The following SIPA1L3 variants were observed in gnomAD, a reference collection of about 807,000 sequenced individuals.
SIPA1L3 encodes signal induced proliferation associated 1 like 3.
SIPA1L3 carries 59 observed loss-of-function variants against 150.1 expected under a neutral mutation model. The observed-to-expected ratio is 0.39, with a 90% CI of 0.32 to 0.49. The LOEUF is 0.49. Among genes scored for constraint, SIPA1L3 ranks in the 20% least tolerant of loss-of-function variants. The pLI, the probability that SIPA1L3 is intolerant of heterozygous loss-of-function variation, is 0.86. For synonymous variants in SIPA1L3, 1,070 were observed against 1,077.6 expected, an observed-to-expected ratio of 0.99 and a Z score of 0.14; for missense variants, 2,211 against 2,489.5, an observed-to-expected ratio of 0.89 and a Z score of 2.38.
At chr19:38,078,499 GGCACACAGACATGCACACACACACAGAC>G (rs1969902220) in intron 2 of SIPA1L3, among the ~76,000 whole-genome samples, 1 of 118,536 alleles carries the variant, frequency 8.4e-6, no homozygotes, top group East Asian at 2.3e-4. Context: ...CACACACACA[GGCACACAGACATGCACACACACACAGAC>G]GCACACAGAC....
At chr19:37,964,791 C>G (rs1455108908) in intron 1 of SIPA1L3, 2 of 152,158 alleles carry the variant, frequency 1.3e-5, no homozygotes, top group Non-Finnish European at 2.9e-5. Context: ...AGCCACCGCG[C>G]CCGGCCAGCA....
At chr19:38,113,619 C>A (rs1235807127) in intron 8 of SIPA1L3, among the ~76,000 whole-genome samples, 4 of 150,882 alleles carry the variant, frequency 2.7e-5, no homozygotes, top group African/African-American at 7.3e-5. Context: ...AAAAAAAAAC[C>A]AAAAAAAACG....
chr19:37,920,781 C>G (rs113460292), intron 1 of SIPA1L3, among the ~76,000 whole-genome samples: 2 of 152,196 alleles, frequency 1.3e-5, no homozygotes, highest in Non-Finnish European at 2.9e-5. Context: ...TTGATAAAGC[C>G]GTGTCTGGCA....
In SIPA1L3 at chr19:38,138,897, C is replaced by CAAAAAAAAAAAAAAA. The variant is rs3045988; in HGVS notation, c.3144-2283_3144-2269dup. Among the ~76,000 whole-genome samples the CAAAAAAAAAAAAAAA allele has an allele frequency of 9.5e-4, 42 of 44,100 alleles. 2 individuals are homozygous for CAAAAAAAAAAAAAAA. Among genetic ancestry groups the CAAAAAAAAAAAAAAA allele is most frequent in the African/African-American group, 3.3e-3 (31 of 9,278 alleles). The allele number at this position is 44,100 out of a possible 152,430, so 28.9% of individuals were successfully genotyped here. On this transcript the variant is annotated intron_variant, in intron 10 of 21. Transcript: ENST00000222345. ...TGGGTGACAGAACGAGACTCTATCT[C>CAAAAAAAAAAAAAAA]AAAAAAAAAAAAAAAAAACTGAGTG... is the stretch of plus-strand genomic sequence containing the variant.
chr19:38,054,548 G>A (rs779744628), intron 2 of SIPA1L3, among the ~76,000 whole-genome samples: 1 of 152,134 alleles, frequency 6.6e-6, no homozygotes, highest in African/African-American at 2.4e-5. Flanking sequence ...GCAGTGAGCC[G>A]AGATCGCGCC....
intron 1 of SIPA1L3, among the ~76,000 whole-genome samples, chr19:37,968,319 C>T (rs1439364586): frequency 6.6e-6 from 1 of 152,014 alleles, no homozygotes; most frequent in Admixed American, 6.6e-5. Flanking sequence ...GTGATCTGCC[C>T]ACCTCGGCCT....
intron 2 of SIPA1L3, among the ~76,000 whole-genome samples, chr19:38,052,058 G>A (rs984893435): frequency 2.0e-5 from 3 of 152,232 alleles, no homozygotes; most frequent in East Asian, 1.9e-4. Context: ...AACAAATCTC[G>A]AACATTGTAT....
At chr19:38,110,192 A>AC in intron 7 of SIPA1L3, 35 bp from the exon 8 acceptor site, 1 of 1,607,350 alleles carries the variant, frequency 6.2e-7, no homozygotes, top group Non-Finnish European at 8.5e-7. Context: ...CCGACCTGTG[A>AC]CAGGTTCCTG....
At chr19:38,040,106 C>T (rs1468370535) in intron 2 of SIPA1L3, among the ~76,000 whole-genome samples, 1 of 152,180 alleles carries the variant, frequency 6.6e-6, no homozygotes, top group East Asian at 1.9e-4. Flanking sequence ...GAGGGAGACC[C>T]TGTCTCAAGG....
rs34874664 is a variant in SIPA1L3 at position 38,018,156 on chromosome 19, C to CTTT, written c.-378-10909_-378-10907dup. ...TCAGTCTGGATAGCCCTTTGAGTGT[C>CTTT]TTTTTTTTTTTTTTTTTTTTTTTTT... On this transcript the variant is annotated intron_variant, in intron 1 of 21. Transcript: ENST00000222345. Among the ~76,000 whole-genome samples the CTTT allele has an allele frequency of 2.1e-3, 130 of 61,334 alleles. 26 individuals are homozygous for CTTT. The highest frequency in any genetic ancestry group is 6.4e-3 in the African/African-American group (87 of 13,678). The allele number at this position is 61,334 out of a possible 152,430, so 40.2% of individuals were successfully genotyped here.
intron 1 of SIPA1L3, among the ~76,000 whole-genome samples, chr19:37,943,813 C>T (rs1265138673): frequency 1.3e-5 from 2 of 152,172 alleles, no homozygotes; most frequent in South Asian, 2.1e-4. Context: ...CTTCTCTTAG[C>T]GTGGTCTCCT....
At chr19:38,155,013 G>A (rs1471626170) in intron 13 of SIPA1L3, among the ~76,000 whole-genome samples, 9 of 151,802 alleles carry the variant, frequency 5.9e-5, no homozygotes, top group Non-Finnish European at 1.3e-4. Context: ...CACCCGCTTC[G>A]GCTTCCCAAA....
chr19:37,907,604 G>T (rs2046345466), intron 1 of SIPA1L3: 1 of 152,220 alleles, frequency 6.6e-6, no homozygotes, highest in South Asian at 2.1e-4. Context: ...TTCGCGTCCC[G>T]GCTGTGCCAC....
At chr19:37,920,246 A>G (rs62112279) in intron 1 of SIPA1L3, among the ~76,000 whole-genome samples, 8,220 of 151,670 alleles carry the variant, frequency 0.054, 257 homozygotes, top group East Asian at 0.11. Flanking sequence ...TTTTGTAGAG[A>G]TGGGATCTCT....
intron 2 of SIPA1L3, among the ~76,000 whole-genome samples, chr19:38,078,834 A>C (rs937972409): frequency 3.0e-4 from 45 of 152,270 alleles, no homozygotes; most frequent in Admixed American, 2.4e-3. Flanking sequence ...CTTCCATCAC[A>C]GACGGCGACC....
intron 3 of SIPA1L3, among the ~76,000 whole-genome samples, chr19:38,085,437 G>A (rs553796834): frequency 1.6e-4 from 23 of 140,584 alleles, no homozygotes; most frequent in African/African-American, 5.7e-4. Flanking sequence ...CCGAGATCGC[G>A]CCACTGCGCT....
At chr19:37,995,386 G>A (rs1213956820) in intron 1 of SIPA1L3, among the ~76,000 whole-genome samples, 2 of 152,186 alleles carry the variant, frequency 1.3e-5, no homozygotes, top group Non-Finnish European at 2.9e-5. Flanking sequence ...CTCATACAGC[G>A]TGGAGGGACA....
chr19:38,193,776 G>C lies in SIPA1L3; in HGVS notation c.4836G>C (p.Lys1612Asn). Reference sequence around the variant, plus strand: ...CCGCCGGCAGCGGCTTTCCCGAGAAGAAATGTGAGCCTGGGCCCCCTGGGA... The same window carrying C: ...CCGCCGGCAGCGGCTTTCCCGAGAACAAATGTGAGCCTGGGCCCCCTGGGA... ...TPAAGSGFPE[K>N]KSTISASELS... is the part of the protein sequence containing the mutation. Residue 1612 changes from lysine to asparagine, a missense_variant, in exon 18 of 22, where the codon AAG (lysine) becomes AAC (asparagine). By Grantham distance (94) the Lys-to-Asn change is moderately conservative. Transcript: ENST00000222345. The C allele has an allele frequency of 6.4e-7, 1 of 1,570,676 alleles. No homozygotes were observed. Among genetic ancestry groups the C allele is most frequent in the Non-Finnish European group, 8.6e-7 (1 of 1,168,062 alleles).
intron 8 of SIPA1L3, among the ~76,000 whole-genome samples, chr19:38,111,939 A>G (rs1970760517): frequency 1.3e-5 from 2 of 151,718 alleles, no homozygotes; most frequent in African/African-American, 2.4e-5. Flanking sequence ...ACACATGCAC[A>G]TGCACACACA....
Sources: allele counts gnomAD v4.1 joint callset (sites outside exome capture counted in the v4.1 genomes callset), GRCh38; gene constraint gnomAD v4.1.1; transcripts MANE v1.5; gene names NCBI Gene and HGNC (gene_info 2026-07-23, HGNC 2026-07-21).